Variants in LHFPL4 observed in about 807,000 individuals in gnomAD.
The protein encoded by LHFPL4 is LHFPL tetraspan subfamily member 4, also known as LHFPL tetraspan subfamily member 4 protein.
In LHFPL4, 6 loss-of-function variants were observed where a neutral mutation model predicts 20.0. The observed-to-expected ratio is 0.30, with a 90% confidence interval of 0.16 to 0.59. The LOEUF (loss-of-function observed/expected upper bound fraction) is 0.59, where lower values mean the gene tolerates loss of function less well. Among genes scored for constraint, LHFPL4 ranks in the 20% least tolerant of loss-of-function variants. LHFPL4 has a pLI of 0.88. For synonymous variants in LHFPL4, 129 were observed against 143.8 expected (o/e 0.90, Z 0.74); for missense variants, 215 against 331.2 (o/e 0.65, Z 2.72).
chr3:9,516,115 C>A (rs1438466649), intron 2 of LHFPL4, among the ~76,000 whole-genome samples: 4 of 152,172 alleles, frequency 2.6e-5, no homozygotes, highest in Non-Finnish European at 5.9e-5. Flanking sequence ...TTAATGAAGT[C>A]CAGCTTACCA....
At chr3:9,528,921 CT>C (rs113439233) in intron 2 of LHFPL4, among the ~76,000 whole-genome samples, 27,736 of 142,740 alleles carry the variant, frequency 0.19, 3,159 homozygotes, top group East Asian at 0.41. Flanking sequence ...AGCCCCCCAA[CT>C]TTTTTTTTTT....
At chr3:9,549,678 C>A (rs554115287) in intron 2 of LHFPL4, among the ~76,000 whole-genome samples, 1 of 152,086 alleles carries the variant, frequency 6.6e-6, no homozygotes, top group Admixed American at 6.6e-5. Context: ...GCCTGGGCAA[C>A]AAGAGTGAAA....
intron 3 of LHFPL4, among the ~76,000 whole-genome samples, chr3:9,505,246 A>T (rs1312402443): frequency 1.3e-5 from 2 of 148,994 alleles, no homozygotes; most frequent in African/African-American, 5.0e-5. Flanking sequence ...ACTGTCAGGC[A>T]GGTTTCTTTT....
At chr3:9,529,421 C>G (rs2046395641) in intron 2 of LHFPL4, among the ~76,000 whole-genome samples, 1 of 152,148 alleles carries the variant, frequency 6.6e-6, no homozygotes, top group Non-Finnish European at 1.5e-5. Context: ...AGAGGAACAA[C>G]TTATCTATGG....
chr3:9,553,023 TGGGGAG>T (rs1559525949), intron 1 of LHFPL4, among the ~76,000 whole-genome samples, 176 bp from the exon 2 acceptor site: 1 of 23,330 alleles, frequency 4.3e-5, no homozygotes, highest in Non-Finnish European at 8.4e-5. Context: ...ATGGGGGAGT[TGGGGAG>T]GGGGTTTGAG....
chr3:9,512,864 G>A (rs977068680), intron 2 of LHFPL4, among the ~76,000 whole-genome samples: 6 of 152,238 alleles, frequency 3.9e-5, no homozygotes, highest in African/African-American at 1.4e-4. Flanking sequence ...TACCCCAGGA[G>A]TGGTGAGCAT....
At chr3:9,517,793 G>GTGTTTT (rs2046312848) in intron 2 of LHFPL4, among the ~76,000 whole-genome samples, 1 of 124,422 alleles carries the variant, frequency 8.0e-6, no homozygotes, top group African/African-American at 2.9e-5. Flanking sequence ...AGGAGGTTGG[G>GTGTTTT]TTTTTTTGTT....
intron 2 of LHFPL4, among the ~76,000 whole-genome samples, chr3:9,529,704 G>C (rs1415381747): frequency 1.3e-5 from 2 of 151,818 alleles, no homozygotes; most frequent in African/African-American, 4.8e-5. Context: ...GCGTGATCTC[G>C]GCTTACTGCA....
intron 3 of LHFPL4, 64 bp downstream of exon 3, chr3:9,505,903 T>TTATCCTGCC: frequency 1.4e-6 from 2 of 1,453,446 alleles, no homozygotes; most frequent in Admixed American, 3.4e-5. Flanking sequence ...TTATTTGAAA[T>TTATCCTGCC]TATCCTGCCT....
Position 9,517,805 on chromosome 3 carries a change from T to G in LHFPL4, c.407-11602A>C, listed in dbSNP as rs1189138397. 5.6e-5 allele frequency among the ~76,000 whole-genome samples: 8 copies of G among 141,894 alleles called. No homozygotes were observed. The South Asian group carries it at 6.6e-4, about 12-fold the overall frequency. The allele number at this position is 141,894 out of a possible 152,430, so 93.1% of individuals were successfully genotyped here. ...TATAGGAGGTTGGGTTTTTTTGTTT[T>G]TTGTTTTTTTTTTTTTGCTTGATTC... is the stretch of plus-strand genomic sequence containing the variant. On this transcript the variant is annotated intron_variant, in intron 2 of 3. Coordinates refer to ENST00000287585, the MANE Select transcript of LHFPL4 (RefSeq NM_198560.3).
chr3:9,521,235 T>C (rs1260334978), intron 2 of LHFPL4, among the ~76,000 whole-genome samples: 1 of 148,630 alleles, frequency 6.7e-6, no homozygotes, highest in Non-Finnish European at 1.5e-5. Flanking sequence ...TCTTCTTCTT[T>C]TTTTTTTTTT....
chr3:9,526,863 AG>A (rs1408464136), intron 2 of LHFPL4, among the ~76,000 whole-genome samples: 1 of 152,190 alleles, frequency 6.6e-6, no homozygotes, highest in Non-Finnish European at 1.5e-5. Context: ...CAGAGTCTGC[AG>A]GGGGCATGAG....
chr3:9,521,830 A>C (rs1016231289), intron 2 of LHFPL4, among the ~76,000 whole-genome samples: 2 of 152,056 alleles, frequency 1.3e-5, no homozygotes, highest in African/African-American at 4.8e-5. Context: ...TTTTTTTAAA[A>C]TCTATTCTGA....
At chr3:9,530,232 C>A (rs2046400766) in intron 2 of LHFPL4, among the ~76,000 whole-genome samples, 1 of 152,086 alleles carries the variant, frequency 6.6e-6, no homozygotes, top group South Asian at 2.1e-4. Flanking sequence ...ATGGCATCTT[C>A]TTCCAACAGA....
chr3:9,509,241 A>AT lies in LHFPL4; in HGVS notation c.407-3039_407-3038insA, dbSNP rs1553646180. On this transcript the variant is annotated intron_variant, in intron 2 of 3. Coordinates refer to ENST00000287585, the MANE Select transcript of LHFPL4 (RefSeq NM_198560.3). ...CCCCACCCTTTTCATCTTTCTTCGC[A>AT]CCCCCCTCTCTCTCTCTCTGGCTTG... Among the ~76,000 whole-genome samples the AT allele has an allele frequency of 1.4e-4, 18 of 128,352 alleles. No homozygotes were observed. The South Asian group carries it at 3.9e-3, about 28-fold the overall frequency. The allele number at this position is 128,352 out of a possible 152,430, so 84.2% of individuals were successfully genotyped here.
intron 2 of LHFPL4, among the ~76,000 whole-genome samples, chr3:9,516,482 T>C (rs1466274339): frequency 6.6e-6 from 1 of 152,008 alleles, no homozygotes; most frequent in Non-Finnish European, 1.5e-5. Context: ...CTTTTTTTTT[T>C]TCTCTTGAGA....
intron 2 of LHFPL4, among the ~76,000 whole-genome samples, chr3:9,524,373 A>G (rs1377622815): frequency 2.6e-5 from 4 of 152,054 alleles, no homozygotes; most frequent in Admixed American, 6.6e-5. Context: ...TATTCTAAAT[A>G]TGTAAATGTT....
At chr3:9,519,484 T>C (rs2046324476) in intron 2 of LHFPL4, among the ~76,000 whole-genome samples, 1 of 152,218 alleles carries the variant, frequency 6.6e-6, no homozygotes, top group Non-Finnish European at 1.5e-5. Context: ...ACTTTGGTTT[T>C]GTCGATTTTC....
chr3:9,546,741 T>C (rs568372540), intron 2 of LHFPL4, among the ~76,000 whole-genome samples: 4 of 152,312 alleles, frequency 2.6e-5, no homozygotes, highest in African/African-American at 4.8e-5. Context: ...ACTCTAAGTG[T>C]CAAAGATCCC....
Sources: gnomAD v4.1 joint callset for allele counts (sites outside exome capture counted in the v4.1 genomes callset) on GRCh38, gnomAD v4.1.1 for gene constraint, MANE v1.5 for transcripts, NCBI Gene and HGNC (gene_info 2026-07-23, HGNC 2026-07-21) for gene names.